Variants in DYNC2H1 observed in about 807,000 individuals in gnomAD.
DYNC2H1 encodes the protein cytoplasmic dynein 2 heavy chain 1.
A neutral mutation model predicts 570.0 loss-of-function variants in DYNC2H1; 410 were observed. The ratio of observed to expected loss-of-function variants is 0.72; its 90% CI spans 0.66 to 0.78. The LOEUF (loss-of-function observed/expected upper bound fraction) is 0.78. DYNC2H1 is among the 30% of genes least tolerant of loss of function. DYNC2H1 has a pLI of 0.00. For missense variants in DYNC2H1, 4,865 were observed against 5,046.4 expected (o/e 0.96, Z 1.09); for synonymous variants, 1,688 against 1,677.6 (o/e 1.01, Z -0.15).
At chr11:103,144,410 A>T (rs1860129086) in intron 18 of DYNC2H1, among the ~76,000 whole-genome samples, 1 of 152,168 alleles carries the variant, frequency 6.6e-6, no homozygotes, top group Non-Finnish European at 1.5e-5. Flanking sequence ...AACTGAACTA[A>T]AACTATGGGG....
At chr11:103,420,870 C>T (rs1265044790) in intron 84 of DYNC2H1, among the ~76,000 whole-genome samples, 1 of 152,164 alleles carries the variant, frequency 6.6e-6, no homozygotes, top group African/African-American at 2.4e-5. Context: ...GAAAGTCACA[C>T]ATAACAGTAC....
intron 82 of DYNC2H1, among the ~76,000 whole-genome samples, chr11:103,346,542 C>T (rs1408112332): frequency 6.6e-6 from 1 of 152,110 alleles, no homozygotes; most frequent in Non-Finnish European, 1.5e-5. Context: ...TGAAGGATAT[C>T]ACCAGTCTGT....
chr11:103,279,140 T>C (rs1866029668), intron 70 of DYNC2H1, among the ~76,000 whole-genome samples: 1 of 152,250 alleles, frequency 6.6e-6, no homozygotes, highest in African/African-American at 2.4e-5. Flanking sequence ...TACATCATGT[T>C]ACAATTATAT....
At chr11:103,202,904 T>A (rs1489130322) in intron 50 of DYNC2H1, among the ~76,000 whole-genome samples, 1 of 152,180 alleles carries the variant, frequency 6.6e-6, no homozygotes, top group East Asian at 1.9e-4. Context: ...AAAGTTGTAG[T>A]CTTAATCAAC....
chr11:103,237,640 C>A (rs1864270607), intron 63 of DYNC2H1, among the ~76,000 whole-genome samples: 1 of 151,470 alleles, frequency 6.6e-6, no homozygotes, highest in Non-Finnish European at 1.5e-5. Context: ...TTATAGCAAA[C>A]TATATGCTTT....
chr11:103,445,650 T>A (rs965366281), intron 85 of DYNC2H1, among the ~76,000 whole-genome samples: 18 of 152,028 alleles, frequency 1.2e-4, no homozygotes, highest in African/African-American at 4.3e-4. Flanking sequence ...GATTTCAAAG[T>A]TTTGTTGTTG....
At chr11:103,473,612 C>T (rs1252499000) in intron 88 of DYNC2H1, among the ~76,000 whole-genome samples, 2 of 152,124 alleles carry the variant, frequency 1.3e-5, no homozygotes, top group Non-Finnish European at 2.9e-5. Context: ...AGATTACTTA[C>T]CACACAACCT....
rs1331932867 is a variant in DYNC2H1, at chr11:103,121,000, G to T, written c.1324G>T (p.Glu442Ter). 3 of 1,590,256 alleles carry T rather than the reference G, an allele frequency of 1.9e-6. No homozygotes were observed. Among genetic ancestry groups the T allele is most frequent in the Non-Finnish European group, 1.7e-6 (2 of 1,169,016 alleles). Residue 442 changes from glutamate to a stop codon, truncating the protein, a stop_gained, in exon 9 of 89, where the codon GAA becomes TAA. Coordinates refer to ENST00000375735, the MANE Select transcript of DYNC2H1 (RefSeq NM_001377.3). LOFTEE classifies it high-confidence loss of function. ...AAGCAAAGAATTGATGTTAGAAAGA[G>T]AAACTTTACTGGCAAGACTTGTGGA... ...TISKELMLER[E>*]TLLARLVDSI...
At chr11:103,458,350 G>C (rs914891073) in intron 87 of DYNC2H1, among the ~76,000 whole-genome samples, 2 of 152,008 alleles carry the variant, frequency 1.3e-5, no homozygotes, top group African/African-American at 4.8e-5. Context: ...TACCATCTAG[G>C]TTTGTTTAAG....
At chr11:103,300,289 T>G (rs1386229636) in intron 75 of DYNC2H1, among the ~76,000 whole-genome samples, 2 of 152,030 alleles carry the variant, frequency 1.3e-5, no homozygotes, top group Non-Finnish European at 2.9e-5. Context: ...TTATTCTTAT[T>G]TTTTTGAAGG....
At chr11:103,142,998 A>T (rs1161141332) in intron 17 of DYNC2H1, among the ~76,000 whole-genome samples, 2 of 152,134 alleles carry the variant, frequency 1.3e-5, no homozygotes, top group Non-Finnish European at 2.9e-5. Context: ...CCACCTTTGA[A>T]GTTTTGTATT....
At chr11:103,383,916 A>G (rs1351217976) in intron 83 of DYNC2H1, among the ~76,000 whole-genome samples, 3 of 152,106 alleles carry the variant, frequency 2.0e-5, no homozygotes, top group Non-Finnish European at 2.9e-5. Context: ...TTCATCTTCT[A>G]TGCTCCATTT....
chr11:103,111,912 G>A (rs1471669942), intron 1 of DYNC2H1, among the ~76,000 whole-genome samples: 1 of 152,258 alleles, frequency 6.6e-6, no homozygotes, highest in East Asian at 1.9e-4. Flanking sequence ...CATGAACACA[G>A]AGTCCGTATC....
chr11:103,417,071 A>C (rs1943310780), intron 84 of DYNC2H1, among the ~76,000 whole-genome samples: 1 of 152,170 alleles, frequency 6.6e-6, no homozygotes, highest in South Asian at 2.1e-4. Flanking sequence ...TCAAAACCAC[A>C]ATGAGATACC....
chr11:103,206,946 G>A (rs1423999717), intron 52 of DYNC2H1, among the ~76,000 whole-genome samples: 1 of 151,906 alleles, frequency 6.6e-6, no homozygotes, highest in Non-Finnish European at 1.5e-5. Flanking sequence ...TTCCAAGACA[G>A]AGTCTTGCTC....
At position 103,451,324 on chromosome 11, in the gene DYNC2H1, C is replaced by CTTTTTTTTTTTTTT. The variant is rs34032894; in HGVS notation, c.12457-3848_12457-3835dup. Among the ~76,000 whole-genome samples, 22 of 71,032 alleles carry CTTTTTTTTTTTTTT rather than the reference C, an allele frequency of 3.1e-4. 5 individuals carry two copies. The highest frequency in any genetic ancestry group is 1.3e-3 in the African/African-American group (19 of 14,834). The allele number at this position is 71,032 out of a possible 152,430, so 46.6% of individuals were successfully genotyped here. A position where few individuals can be genotyped will look rare whatever the true frequency, so the allele number is the denominator to read the frequency against. ...AGAAATGAATCACTGAGTAAAAGGGCTTTTTTTTTTTTTTTTTTTTTTTTT... is the reference window on the plus strand; with the variant it reads ...AGAAATGAATCACTGAGTAAAAGGGCTTTTTTTTTTTTTTTTTTTTTTTTTTTTTTTTTTTTTTT... On this transcript the variant is annotated intron_variant, in intron 85 of 88. Transcript: ENST00000375735.
In DYNC2H1 at chr11:103,275,073, G is replaced by A. The variant is rs528949470; in HGVS notation, c.10696-5275G>A. 2.6e-3 allele frequency among the ~76,000 whole-genome samples: 399 copies of A among 152,196 alleles called. 3 individuals carry two copies. Among genetic ancestry groups the A allele is most frequent in the African/African-American group, 9.3e-3 (385 of 41,512 alleles). ...TGCGCCACTGCACTCCAGCCTGGGC[G>A]ACAGTGAGAGACTCCGTCTCAAAAA... On this transcript the variant is annotated intron_variant, in intron 70 of 88. Transcript: ENST00000375735. The surrounding 1 kb of genome is among the most constrained non-coding windows in gnomAD (Gnocchi z 4.8).
At chr11:103,167,937 G>C (rs1365449283) in intron 31 of DYNC2H1, among the ~76,000 whole-genome samples, 2 of 152,110 alleles carry the variant, frequency 1.3e-5, no homozygotes, top group South Asian at 2.1e-4. Flanking sequence ...TTTCTGATTA[G>C]AATGAGATCT....
At chr11:103,165,470 C>T (rs370484864) in intron 30 of DYNC2H1, among the ~76,000 whole-genome samples, 83 of 152,192 alleles carry the variant, frequency 5.5e-4, no homozygotes, top group South Asian at 1.9e-3. Flanking sequence ...ATTTTGCTAT[C>T]GTAGACTTCA....
Sources: allele counts gnomAD v4.1 joint callset (sites outside exome capture counted in the v4.1 genomes callset), GRCh38; gene constraint gnomAD v4.1.1; non-coding constraint Gnocchi (gnomAD v3.1); transcripts MANE v1.5; gene names NCBI Gene and HGNC (gene_info 2026-07-23, HGNC 2026-07-21).